The following FBXO40 variants were observed in gnomAD, a reference collection of about 807,000 sequenced individuals.
FBXO40 encodes the protein F-box protein 40.
FBXO40 carries 50 observed loss-of-function variants against 49.9 expected under a neutral mutation model. That is an observed-to-expected ratio of 1.00 (90% CI 0.80 to 1.27). The LOEUF (loss-of-function observed/expected upper bound fraction) is 1.27, where lower values mean the gene tolerates loss of function less well. Ranked by LOEUF, FBXO40 falls within the 50% of genes most tolerant of loss-of-function variation. The pLI is 0.00. For missense variants in FBXO40, 895 were observed against 870.1 expected (o/e 1.03, Z -0.36); for synonymous variants, 340 against 320.2 (o/e 1.06, Z -0.66).
chr3:121,616,658 C>T (rs1254035427), intron 1 of FBXO40, among the ~76,000 whole-genome samples: 1 of 152,152 alleles, frequency 6.6e-6, no homozygotes, highest in Non-Finnish European at 1.5e-5. Flanking sequence ...TCCAGGTGAT[C>T]CTTATGCTCA....
chr3:121,602,786 T>G (rs2048906715), intron 1 of FBXO40, among the ~76,000 whole-genome samples: 1 of 152,230 alleles, frequency 6.6e-6, no homozygotes, highest in Admixed American at 6.5e-5. Context: ...GACTCTTTTT[T>G]TTTTTCCAAA....
intron 1 of FBXO40, among the ~76,000 whole-genome samples, chr3:121,608,723 T>C (rs1255835858): frequency 6.6e-6 from 1 of 152,198 alleles, no homozygotes; most frequent in Non-Finnish European, 1.5e-5. Flanking sequence ...TAGCTTCATC[T>C]ACCAGAAGAG....
At position 121,621,956 on chromosome 3, in the gene FBXO40, T is replaced by A. The variant is rs1576455700; in HGVS notation, c.527T>A (p.Val176Glu). The change falls in exon 3 of 4, where the codon GTG becomes GAG. Residue 176 changes from valine (V) to glutamate (E), a missense_variant. Transcript: ENST00000338040. ...VEEMGGAVGGVDIGLVPHGLS... is the reference protein window; with the variant it reads ...VEEMGGAVGGEDIGLVPHGLS... Reference sequence around the variant, plus strand: ...GAAATGGGAGGAGCAGTGGGTGGAGTGGATATCGGTTTGGTACCACATGGT... The same window carrying A: ...GAAATGGGAGGAGCAGTGGGTGGAGAGGATATCGGTTTGGTACCACATGGT... The A allele has an allele frequency of 6.2e-7, 1 of 1,611,844 alleles. No homozygotes were observed. Among genetic ancestry groups the A allele is most frequent in the Non-Finnish European group, 8.5e-7 (1 of 1,179,372 alleles).
chr3:121,606,403 A>G (rs183612359), intron 1 of FBXO40, among the ~76,000 whole-genome samples: 2 of 152,310 alleles, frequency 1.3e-5, no homozygotes, highest in South Asian at 2.1e-4. Flanking sequence ...TTTAACTGCT[A>G]TTGGAGTGCT....
intron 1 of FBXO40, among the ~76,000 whole-genome samples, chr3:121,608,610 A>C (rs911876197): frequency 1.3e-5 from 2 of 152,198 alleles, no homozygotes; most frequent in Non-Finnish European, 2.9e-5. Flanking sequence ...CTGATGCTTT[A>C]ATAAACATCC....
intron 1 of FBXO40, among the ~76,000 whole-genome samples, chr3:121,612,948 C>T (rs1252411475): frequency 6.6e-6 from 1 of 151,592 alleles, no homozygotes; most frequent in South Asian, 2.1e-4. Flanking sequence ...CGGGTGCCTG[C>T]AGTCCCAGCT....
intron 1 of FBXO40, among the ~76,000 whole-genome samples, chr3:121,615,043 C>T (rs1576453700): frequency 6.6e-6 from 1 of 151,924 alleles, no homozygotes; most frequent in Non-Finnish European, 1.5e-5. Context: ...CATGATGAAA[C>T]CCCCACAAAA....
intron 1 of FBXO40, among the ~76,000 whole-genome samples, chr3:121,597,930 TG>T (rs1455372225): frequency 6.6e-6 from 1 of 152,184 alleles, no homozygotes; most frequent in Non-Finnish European, 1.5e-5. Context: ...CCCAAAGTGC[TG>T]GGATTACAGG....
rs2108853894 is a variant in FBXO40 at position 121,630,022 on chromosome 3, G to A, written c.*3112G>A. 6.6e-6 allele frequency: 1 copy of A among 152,322 alleles called. No homozygotes were observed. Among genetic ancestry groups the A allele is most frequent in the South Asian group, 2.1e-4 (1 of 4,826 alleles). The allele number at this position is 152,322 out of a possible 1,614,324, so 9.4% of individuals were successfully genotyped here. A position where few individuals can be genotyped will look rare whatever the true frequency, so the allele number is the denominator to read the frequency against. On this transcript the variant is annotated 3_prime_UTR_variant, in exon 4 of 4. Coordinates refer to ENST00000338040, the MANE Select transcript of FBXO40 (RefSeq NM_016298.4). ...GAGATCAGCCGAATATGGAGGCTGA[G>A]GTCTGTAGAACTGGGCCAGAGAGGA...
chr3:121,615,575 AAAAG>A (rs1238575166), intron 1 of FBXO40, among the ~76,000 whole-genome samples: 1 of 151,742 alleles, frequency 6.6e-6, no homozygotes, highest in Non-Finnish European at 1.5e-5. Flanking sequence ...AAAAAAAAAA[AAAAG>A]AAGAAGAAGA....
chr3:121,603,417 C>A (rs1392051865), intron 1 of FBXO40, among the ~76,000 whole-genome samples: 7 of 152,246 alleles, frequency 4.6e-5, no homozygotes, highest in African/African-American at 1.7e-4. Flanking sequence ...CTCTGATGTG[C>A]TCACTAAAGG....
chr3:121,623,414 C>G (rs2108851857), intron 3 of FBXO40, 71 bp downstream of exon 3: 3 of 1,336,008 alleles, frequency 2.2e-6, no homozygotes, highest in African/African-American at 1.4e-5. Flanking sequence ...GACAGGTTCT[C>G]TCTCTGTTGC....
intron 1 of FBXO40, among the ~76,000 whole-genome samples, chr3:121,606,060 A>G (rs1355403214): frequency 6.6e-6 from 1 of 152,256 alleles, no homozygotes; most frequent in East Asian, 1.9e-4. Context: ...AAGGACATAG[A>G]TATTGCTTAC....
intron 3 of FBXO40, among the ~76,000 whole-genome samples, chr3:121,625,060 G>A (rs976559251): frequency 3.3e-4 from 50 of 152,034 alleles, no homozygotes; most frequent in Non-Finnish European, 2.5e-4. Flanking sequence ...TGATTTCCCC[G>A]GTTCAAGTGC....
At chr3:121,624,040 GA>G (rs1560133429) in intron 3 of FBXO40, among the ~76,000 whole-genome samples, 1 of 144,250 alleles carries the variant, frequency 6.9e-6, no homozygotes, top group Non-Finnish European at 1.5e-5. Flanking sequence ...GCCCAGGCTG[GA>G]GTGCAATGGT....
At chr3:121,613,483 T>C (rs1171701974) in intron 1 of FBXO40, among the ~76,000 whole-genome samples, 1 of 152,060 alleles carries the variant, frequency 6.6e-6, no homozygotes, top group African/African-American at 2.4e-5. Flanking sequence ...AAAATGACAT[T>C]CTGGGTCTAG....
chr3:121,623,074 G>T lies in FBXO40; in HGVS notation c.1645G>T (p.Val549Phe), dbSNP rs1247436555. 1 of 1,614,234 alleles carries T rather than the reference G, an allele frequency of 6.2e-7. No homozygotes were observed. Among genetic ancestry groups the T allele is most frequent in the Non-Finnish European group, 8.5e-7 (1 of 1,180,040 alleles). ...ELKTFAIKPEVAPELSEGRKN... is the reference protein window; with the variant it reads ...ELKTFAIKPEFAPELSEGRKN... ...CAAGACCTTTGCCATTAAGCCGGAG[G>T]TTGCTCCAGAGCTGAGCGAGGGAAG... The change falls in exon 3 of 4, where the codon GTT becomes TTT. Residue 549 changes from valine to phenylalanine, a missense_variant. Coordinates refer to ENST00000338040, the MANE Select transcript of FBXO40 (RefSeq NM_016298.4).
At chr3:121,602,101 T>C (rs1208656521) in intron 1 of FBXO40, among the ~76,000 whole-genome samples, 1 of 152,218 alleles carries the variant, frequency 6.6e-6, no homozygotes, top group Non-Finnish European at 1.5e-5. Flanking sequence ...AGGCCGTAGC[T>C]CACTTTTTCC....
Position 121,622,419 on chromosome 3 carries a change from G to C in FBXO40, c.990G>C (p.Lys330Asn). ...HFGQMPACTP[K>N]ERDFVYGKLE... ...GTCAGATGCCTGCTTGTACACCCAA[G>C]GAGAGAGACTTTGTTTATGGCAAGC... Residue 330 changes from lysine (K) to asparagine (N), a missense_variant, in exon 3 of 4, where the codon AAG becomes AAC. Coordinates refer to ENST00000338040, the MANE Select transcript of FBXO40 (RefSeq NM_016298.4). 1 of 1,614,214 alleles carries C rather than the reference G, an allele frequency of 6.2e-7. No homozygotes were observed. Among genetic ancestry groups the C allele is most frequent in the Non-Finnish European group, 8.5e-7 (1 of 1,180,040 alleles).
Sources: allele counts gnomAD v4.1 joint callset (sites outside exome capture counted in the v4.1 genomes callset), GRCh38; gene constraint gnomAD v4.1.1; transcripts MANE v1.5; gene names NCBI Gene and HGNC (gene_info 2026-07-23, HGNC 2026-07-21).